NALF1: variants seen among roughly 807,000 people sequenced by gnomAD.
The protein encoded by NALF1 is NALCN channel auxiliary factor 1, also known as family with sequence similarity 155 member A.
A neutral mutation model predicts 48.4 loss-of-function variants in NALF1; 3 were observed. That is an observed-to-expected ratio of 0.06 (90% CI 0.03 to 0.16). The LOEUF is 0.16. Among genes scored for constraint, NALF1 ranks in the 10% least tolerant of loss-of-function variants. The pLI is 1.00. For synonymous variants in NALF1, 262 were observed against 245.7 expected (o/e 1.07, Z -0.62); for missense variants, 526 against 571.5 (o/e 0.92, Z 0.81).
chr13:107,490,827 T>TTGA (rs1885403941), intron 1 of NALF1, among the ~76,000 whole-genome samples: 1 of 152,130 alleles, frequency 6.6e-6, no homozygotes, highest in African/African-American at 2.4e-5. Flanking sequence ...AATAACATAA[T>TTGA]GTACTTGAGA....
chr13:107,708,510 A>G (rs1291354238), intron 1 of NALF1, among the ~76,000 whole-genome samples: 1 of 136,904 alleles, frequency 7.3e-6, no homozygotes, highest in African/African-American at 2.6e-5. Context: ...TATTAATAAA[A>G]GACAAGCTGT....
chr13:107,447,954 T>C (rs1212116205), intron 1 of NALF1, among the ~76,000 whole-genome samples: 1 of 152,212 alleles, frequency 6.6e-6, no homozygotes, highest in Non-Finnish European at 1.5e-5. Flanking sequence ...TTAAAAGTCT[T>C]CTGATCCACT....
At chr13:107,484,956 G>A (rs1885305016) in intron 1 of NALF1, among the ~76,000 whole-genome samples, 1 of 152,144 alleles carries the variant, frequency 6.6e-6, no homozygotes, top group Admixed American at 6.5e-5. Flanking sequence ...GGTATTTCCA[G>A]TGGTCAAAGT....
chr13:107,699,039 G>T (rs1289340287), intron 1 of NALF1, among the ~76,000 whole-genome samples: 1 of 152,122 alleles, frequency 6.6e-6, no homozygotes, highest in Non-Finnish European at 1.5e-5. Context: ...CAAGCAGCCT[G>T]TCATTGTAGG....
Position 107,435,659 on chromosome 13 carries a change from G to A in NALF1, c.916-224904C>T, listed in dbSNP as rs111808279. Among the ~76,000 whole-genome samples the A allele has an allele frequency of 4.0e-3, 615 of 152,250 alleles. 12 individuals carry two copies. The highest frequency in any genetic ancestry group is 0.014 in the African/African-American group (568 of 41,546). On this transcript the variant is annotated intron_variant, in intron 1 of 2. Transcript: ENST00000375915. Reference sequence around the variant, plus strand: ...TTCATTCAAACAGGCTGATGGTACAGTGTTCTCAAAGATGAAAAGGAAGCA... The same window carrying A: ...TTCATTCAAACAGGCTGATGGTACAATGTTCTCAAAGATGAAAAGGAAGCA...
chr13:107,583,862 C>G (rs1878379237), intron 1 of NALF1, among the ~76,000 whole-genome samples: 1 of 152,072 alleles, frequency 6.6e-6, no homozygotes, highest in Non-Finnish European at 1.5e-5. Context: ...GCAGCTTTTT[C>G]CCTGGCCCTG....
intron 1 of NALF1, among the ~76,000 whole-genome samples, chr13:107,516,362 G>A (rs1876051567): frequency 6.6e-6 from 1 of 152,322 alleles, no homozygotes; most frequent in East Asian, 1.9e-4. Context: ...TTTACTTGCT[G>A]TTCTGTGCCT....
intron 1 of NALF1, among the ~76,000 whole-genome samples, chr13:107,736,231 G>A (rs893024980): frequency 2.5e-4 from 36 of 144,738 alleles, no homozygotes; most frequent in African/African-American, 8.7e-4. Context: ...ACACGCGCGC[G>A]TGTACCTAAT....
intron 1 of NALF1, among the ~76,000 whole-genome samples, chr13:107,678,807 G>A (rs532488519): frequency 7.9e-5 from 12 of 152,250 alleles, no homozygotes; most frequent in Admixed American, 3.9e-4. Flanking sequence ...TCACTATCAC[G>A]AGAACAGCAT....
intron 1 of NALF1, among the ~76,000 whole-genome samples, chr13:107,847,516 A>G (rs575193466): frequency 2.6e-5 from 4 of 152,352 alleles, no homozygotes; most frequent in Admixed American, 2.6e-4. Flanking sequence ...GACATTACAT[A>G]AGATTGAAAC....
At chr13:107,524,984 G>A (rs758867979) in intron 1 of NALF1, among the ~76,000 whole-genome samples, 5 of 152,072 alleles carry the variant, frequency 3.3e-5, no homozygotes, top group African/African-American at 9.7e-5. Flanking sequence ...GAGACATAGA[G>A]AGCTTCCAAG....
intron 1 of NALF1, among the ~76,000 whole-genome samples, chr13:107,512,395 A>G (rs1875923109): frequency 6.6e-6 from 1 of 152,134 alleles, no homozygotes; most frequent in African/African-American, 2.4e-5. Flanking sequence ...TCCATCTAAA[A>G]AAAGAAAAAA....
At chr13:107,701,386 T>C (rs372565014) in intron 1 of NALF1, among the ~76,000 whole-genome samples, 3 of 152,214 alleles carry the variant, frequency 2.0e-5, no homozygotes, top group Non-Finnish European at 4.4e-5. Context: ...CTAGAAGATA[T>C]TAAGTGAAAT....
intron 1 of NALF1, among the ~76,000 whole-genome samples, chr13:107,664,558 A>C (rs1373406311): frequency 1.3e-5 from 2 of 151,916 alleles, no homozygotes; most frequent in East Asian, 3.9e-4. Flanking sequence ...CCTCACCGCC[A>C]CTCCCCAACT....
In NALF1 at chr13:107,776,492, C is replaced by G. The variant is rs7994647; in HGVS notation, c.915+89190G>C. Among the ~76,000 whole-genome samples, 3 of 152,166 alleles carry G rather than the reference C, an allele frequency of 2.0e-5. No homozygotes were observed. The South Asian group carries it at 6.2e-4, about 32-fold the overall frequency. On this transcript the variant is annotated intron_variant, in intron 1 of 2. Transcript: ENST00000375915. ...ACAGATTTATACCAGCATGACAACG[C>G]GGTGAACACTATCACTAAACAAGAG...
At chr13:107,685,586 C>T (rs1350266898) in intron 1 of NALF1, among the ~76,000 whole-genome samples, 1 of 152,002 alleles carries the variant, frequency 6.6e-6, no homozygotes, top group African/African-American at 2.4e-5. Flanking sequence ...GCACAGAATG[C>T]TAGTAACTTG....
At chr13:107,773,236 C>T (rs1877628711) in intron 1 of NALF1, among the ~76,000 whole-genome samples, 1 of 152,162 alleles carries the variant, frequency 6.6e-6, no homozygotes, top group African/African-American at 2.4e-5. Flanking sequence ...TGATAGATTA[C>T]TTTCAATTTT....
intron 1 of NALF1, among the ~76,000 whole-genome samples, chr13:107,417,122 A>G (rs2139005670): frequency 1.3e-5 from 2 of 152,320 alleles, no homozygotes; most frequent in Middle Eastern, 3.4e-3. Context: ...CACAATGCAT[A>G]CTGTTGTTTA....
At chr13:107,754,213 G>C (rs1209796474) in intron 1 of NALF1, among the ~76,000 whole-genome samples, 1 of 152,018 alleles carries the variant, frequency 6.6e-6, no homozygotes, top group East Asian at 1.9e-4. Context: ...ATTCAGTAAA[G>C]GTGAGATTAG....
Sources: allele counts gnomAD v4.1 joint callset (sites outside exome capture counted in the v4.1 genomes callset), GRCh38; gene constraint gnomAD v4.1.1; transcripts MANE v1.5; gene names NCBI Gene and HGNC (gene_info 2026-07-23, HGNC 2026-07-21).